The following BMP2K variants were observed in gnomAD, a reference collection of about 807,000 sequenced individuals.
BMP2K encodes BMP-2-inducible protein kinase.
Under a neutral mutation model 116.0 loss-of-function variants are expected in BMP2K, and 74 were observed. The ratio of observed to expected loss-of-function variants is 0.64; its 90% CI spans 0.53 to 0.77. The LOEUF is 0.77. Ranked by LOEUF, BMP2K falls within the 30% of genes least tolerant of loss-of-function variation. The probability of loss-of-function intolerance (pLI) is 0.00; values close to 1 mark genes in which losing one functional copy is unlikely to be tolerated. For synonymous variants in BMP2K, 486 were observed against 502.5 expected, an observed-to-expected ratio of 0.97 and a Z score of 0.44; for missense variants, 1,365 against 1,403.6, an observed-to-expected ratio of 0.97 and a Z score of 0.44.
At chr4:78,788,189 A>T (rs992653700) in intron 1 of BMP2K, among the ~76,000 whole-genome samples, 1 of 151,334 alleles carries the variant, frequency 6.6e-6, no homozygotes, top group African/African-American at 2.4e-5. Flanking sequence ...CTATTTTTTT[A>T]TACAGGCACA....
intron 1 of BMP2K, among the ~76,000 whole-genome samples, chr4:78,789,187 T>A (rs1292759570): frequency 6.6e-6 from 1 of 152,196 alleles, no homozygotes; most frequent in Non-Finnish European, 1.5e-5. Context: ...GTAGTGATTG[T>A]CCAAATTTAG....
chr4:78,866,900 A>G (rs1162097567), intron 10 of BMP2K, among the ~76,000 whole-genome samples: 1 of 152,066 alleles, frequency 6.6e-6, no homozygotes, highest in East Asian at 1.9e-4. Context: ...TTTGCTCTGT[A>G]TTGGATACTG....
chr4:78,826,652 C>A (rs564362229), intron 2 of BMP2K, among the ~76,000 whole-genome samples: 1 of 152,262 alleles, frequency 6.6e-6, no homozygotes, highest in Non-Finnish European at 1.5e-5. Context: ...GGACCCACTA[C>A]GGATACTAAA....
At position 78,913,269 on chromosome 4, in the gene BMP2K, TG is replaced by T. The variant is rs1192816844; in HGVS notation, c.*1238del. ...ACCAGATCCTAAAATGCATATAAGG[TG>T]GACTAGCATCTTAATTCTGCTAGTT... On this transcript the variant is annotated 3_prime_UTR_variant, in exon 16 of 16. Transcript: ENST00000502613. 1 of 152,118 alleles carries T rather than the reference TG, an allele frequency of 6.6e-6. No homozygotes were observed. Among genetic ancestry groups the T allele is most frequent in the Admixed American group, 6.6e-5 (1 of 15,264 alleles). The allele number at this position is 152,118 out of a possible 1,614,324, so 9.4% of individuals were successfully genotyped here. A position where few individuals can be genotyped will look rare whatever the true frequency, so the allele number is the denominator to read the frequency against.
chr4:78,807,141 C>T (rs767302782), intron 1 of BMP2K, among the ~76,000 whole-genome samples: 35 of 152,148 alleles, frequency 2.3e-4, no homozygotes, highest in African/African-American at 5.3e-4. Flanking sequence ...TGGGAGCCAC[C>T]GTGCCTGGCT....
rs780337948 is a variant in BMP2K, at chr4:78,912,126, CAT to C, written c.*94_*95del. On this transcript the variant is annotated 3_prime_UTR_variant, in exon 16 of 16. Transcript: ENST00000502613. ...AAGAAAATTTGGTAGCTCTTTATAG[CAT>C]TCATTCTTAAAGATCAGTCAGAATA... 47,366 of 1,121,796 alleles carry C rather than the reference CAT, an allele frequency of 0.042. 2,098 individuals carry two copies. Among genetic ancestry groups the C allele is most frequent in the East Asian group, 0.23 (9,767 of 42,140 alleles). 69.5% of individuals were successfully genotyped at this position (1,121,796 alleles called of 1,614,324 possible).
In BMP2K at chr4:78,833,697, T is replaced by C. The variant is rs1432291444; in HGVS notation, c.403+10T>C. ...ATGGAATATTGTCGAGGTAAGTATT[T>C]TTTTGCATTTGTACTGTAATAAAAA... On this transcript the variant is annotated intron_variant, in intron 3 of 15. Transcript: ENST00000502613. 6.3e-7 allele frequency: 1 copy of C among 1,581,908 alleles called. No homozygotes were observed. Among genetic ancestry groups the C allele is most frequent in the Non-Finnish European group, 8.6e-7 (1 of 1,161,546 alleles).
intron 1 of BMP2K, among the ~76,000 whole-genome samples, chr4:78,787,825 C>G (rs942691053): frequency 6.6e-6 from 1 of 152,138 alleles, no homozygotes; most frequent in Non-Finnish European, 1.5e-5. Context: ...TAGCAAACCA[C>G]CCTTGACTAT....
intron 1 of BMP2K, among the ~76,000 whole-genome samples, chr4:78,811,254 G>A (rs899130262): frequency 2.6e-5 from 4 of 152,186 alleles, no homozygotes; most frequent in African/African-American, 9.7e-5. Context: ...GAGTTTATCT[G>A]TAGTTGTTAA....
At chr4:78,797,665 G>A (rs1187275623) in intron 1 of BMP2K, among the ~76,000 whole-genome samples, 2 of 152,104 alleles carry the variant, frequency 1.3e-5, no homozygotes, top group Non-Finnish European at 2.9e-5. Context: ...AGTTTTAAAA[G>A]TTTCTCTCAG....
intron 3 of BMP2K, among the ~76,000 whole-genome samples, chr4:78,837,706 C>G (rs1199251732): frequency 6.6e-6 from 1 of 152,066 alleles, no homozygotes; most frequent in African/African-American, 2.4e-5. Context: ...GTCATCCACA[C>G]TGGAGTCCAA....
intron 1 of BMP2K, among the ~76,000 whole-genome samples, chr4:78,815,679 T>A (rs1005211506): frequency 3.3e-5 from 5 of 152,162 alleles, no homozygotes; most frequent in African/African-American, 1.2e-4. Context: ...ATTCAATTAC[T>A]AATAACATTT....
chr4:78,804,508 C>T (rs1210843750), intron 1 of BMP2K, among the ~76,000 whole-genome samples: 2 of 152,094 alleles, frequency 1.3e-5, no homozygotes, highest in Non-Finnish European at 2.9e-5. Context: ...TGAGGACCTA[C>T]TATATTTTTC....
rs984908655 is a variant in BMP2K at position 78,845,157 on chromosome 4, T to C, written c.668+108T>C. ...TTAGGTATTTCATTTATAGATTTCTTTGAAATATTTCTGTGCCATAGATGT... is the reference window on the plus strand; with the variant it reads ...TTAGGTATTTCATTTATAGATTTCTCTGAAATATTTCTGTGCCATAGATGT... On this transcript the variant is annotated intron_variant, in intron 5 of 15. Transcript: ENST00000502613. 2.1e-5 allele frequency: 21 copies of C among 986,322 alleles called. No homozygotes were observed. In the African/African-American group the frequency reaches 3.2e-4, roughly 15 times the overall value. The allele number at this position is 986,322 out of a possible 1,614,324, so 61.1% of individuals were successfully genotyped here.
intron 14 of BMP2K, 49 bp from the exon 15 acceptor site, chr4:78,887,122 GATC>G: frequency 7.9e-7 from 1 of 1,271,928 alleles, no homozygotes; most frequent in South Asian, 1.3e-5. Context: ...TTAATTTAAA[GATC>G]ATTTTTATTT....
chr4:78,784,476 G>A (rs1247540665), intron 1 of BMP2K, among the ~76,000 whole-genome samples: 2 of 152,186 alleles, frequency 1.3e-5, no homozygotes, highest in African/African-American at 4.8e-5. Flanking sequence ...AAATAGCTGG[G>A]CACTTAGTTA....
chr4:78,911,691 A>G lies in BMP2K; in HGVS notation c.3144A>G (p.Ala1048=). The G allele has an allele frequency of 6.2e-7, 1 of 1,613,970 alleles. No individual in the cohort carries two copies. Among genetic ancestry groups the G allele is most frequent in the Non-Finnish European group, 8.5e-7 (1 of 1,179,876 alleles). ...ISDSKENISV[A]LTDGKDRGNV... is the part of the protein sequence containing the mutation. The stretch of plus-strand genomic sequence containing the variant: ...ACTCCAAGGAGAACATTAGTGTTGC[A>G]CTGACTGATGGGAAAGATAGGGGGA... The change falls in exon 16 of 16, where the codon GCA becomes GCG. Residue 1048 remains alanine (A), a synonymous_variant. Coordinates refer to ENST00000502613, the MANE Select transcript of BMP2K (RefSeq NM_198892.2).
intron 1 of BMP2K, among the ~76,000 whole-genome samples, chr4:78,806,840 C>CTTTTTTTTTT (rs1038770824): frequency 3.1e-5 from 4 of 128,286 alleles, no homozygotes; most frequent in African/African-American, 5.6e-5. Flanking sequence ...CTTATCTTTT[C>CTTTTTTTTTT]TTTTTTTTTT....
Position 78,911,649 on chromosome 4 carries a change from A to T in BMP2K, c.3102A>T (p.Glu1034Asp), listed in dbSNP as rs1292141769. 1 of 1,613,944 alleles carries T rather than the reference A, an allele frequency of 6.2e-7. No individual in the cohort carries two copies. The highest frequency in any genetic ancestry group is 8.5e-7 in the Non-Finnish European group (1 of 1,179,870). ...GCCGAGACTCTCAAAGTAGCAATGAATTTTTAACCATCTCAGACTCCAAGG... is the reference window on the plus strand; with the variant it reads ...GCCGAGACTCTCAAAGTAGCAATGATTTTTTAACCATCTCAGACTCCAAGG... ...VGRRDSQSSN[E>D]FLTISDSKEN... The change falls in exon 16 of 16, where the codon GAA becomes GAT. Residue 1034 changes from glutamate to aspartate, a missense_variant. This residue lies in a region of BMP2K where 596 missense variants were observed against 623.2 expected (regional missense o/e 0.96). Transcript: ENST00000502613.
Sources: gnomAD v4.1 joint callset for allele counts (sites outside exome capture counted in the v4.1 genomes callset) on GRCh38, gnomAD v4.1.1 for gene constraint, gnomAD v4.1.1 regional missense constraint, MANE v1.5 for transcripts, NCBI Gene and HGNC (gene_info 2026-07-23, HGNC 2026-07-21) for gene names.